Variants in TNXB observed in about 807,000 individuals in gnomAD.
The protein encoded by TNXB is tenascin-X.
TNXB carries 183 observed loss-of-function variants against 340.5 expected under a neutral mutation model. The ratio of observed to expected loss-of-function variants is 0.54; its 90% CI spans 0.48 to 0.61. The LOEUF (loss-of-function observed/expected upper bound fraction) is 0.61, where lower values mean the gene tolerates loss of function less well. TNXB is among the 20% of genes least tolerant of loss of function. The pLI, the probability that TNXB is intolerant of heterozygous loss-of-function variation, is 0.00. For missense variants in TNXB, 4,613 were observed against 5,446.4 expected (o/e 0.85, Z 4.82); for synonymous variants, 2,121 against 2,314.5 (o/e 0.92, Z 2.40).
chr6:32,096,028 C>T lies in TNXB; in HGVS notation c.1825G>A (p.Glu609Lys). The change falls in exon 3 of 44, where the codon GAA becomes AAA. Residue 609 changes from glutamate (E) to lysine (K), a missense_variant. By Grantham distance (56) the Glu-to-Lys change is moderately conservative (BLOSUM62 1). Transcript: ENST00000644971. ...VCQDGVCICW[E>K]GYVSEDCSIR... The stretch of plus-strand genomic sequence containing the variant: ...CTGCAGTCCTCACTCACGTAGCCTT[C>T]CCAACAGATGCACACACCGTCCTGG... 6.2e-7 allele frequency: 1 copy of T among 1,613,208 alleles called. No individual in the cohort carries two copies. The highest frequency in any genetic ancestry group is 1.7e-5 in the Admixed American group (1 of 60,026).
In TNXB at chr6:32,079,078, G is replaced by A; in HGVS notation, c.4330C>T (p.His1444Tyr). The A allele has an allele frequency of 6.2e-7, 1 of 1,613,528 alleles. No individual in the cohort carries two copies. The highest frequency in any genetic ancestry group is 8.5e-7 in the Non-Finnish European group (1 of 1,179,818). Reference protein sequence around the residue: ...HKYKMHLYGLHEGQRVGPVSA... With the variant: ...HKYKMHLYGLYEGQRVGPVSA... ...ACCGGGCCCACGCGCTGCCCCTCGTGGAGGCCGTACAGGTGCATCTTGTAC... is the reference window on the plus strand; with the variant it reads ...ACCGGGCCCACGCGCTGCCCCTCGTAGAGGCCGTACAGGTGCATCTTGTAC... Residue 1444 changes from histidine to tyrosine, a missense_variant, in exon 11 of 44, where the codon CAC becomes TAC. By Grantham distance (83) the His-to-Tyr change is moderately conservative. Around this residue, in one of 7 missense-constraint regions of TNXB, gnomAD observed 4,327 missense variants for 4,859.4 expected, o/e 0.89. Coordinates refer to ENST00000644971, the MANE Select transcript of TNXB (RefSeq NM_001365276.2). The surrounding 1 kb of genome is among the most constrained non-coding windows in gnomAD (Gnocchi z 7.1).
At position 32,069,803 on chromosome 6, in the gene TNXB, C is replaced by A; in HGVS notation, c.5337G>T (p.Gly1779=). The stretch of plus-strand genomic sequence containing the variant: ...TCACGGTGGTCACCTGCAGCTCCTC[C>A]CCCAGACGGGGTTTTGGGGGACGCT... ...GTKRPPKPRL[G]EELQVTTVTQ... Residue 1779 remains glycine (G), a synonymous_variant, in exon 15 of 44, where the codon GGG becomes GGT. Coordinates refer to ENST00000644971, the MANE Select transcript of TNXB (RefSeq NM_001365276.2). This position sits in a 1 kb window ranked among gnomAD's most constrained non-coding sequence, Gnocchi z 6.2. 6.2e-7 allele frequency: 1 copy of A among 1,608,656 alleles called. No individual in the cohort carries two copies. Among genetic ancestry groups the A allele is most frequent in the East Asian group, 2.2e-5 (1 of 44,788 alleles).
Position 32,095,873 on chromosome 6 carries a change from C to A in TNXB, c.1980G>T (p.Gly660=). ...ACAGGCACACTCCTTGCACACACCG[C>A]CCACGTCCCCGGCAGTCAGCCGGGC... is the stretch of plus-strand genomic sequence containing the variant. ...RMCPADCRGR[G]RCVQGVCLCH... The change falls in exon 3 of 44, where the codon GGG becomes GGT. Residue 660 remains glycine (G), a synonymous_variant. Transcript: ENST00000644971. 6.2e-7 allele frequency: 1 copy of A among 1,612,636 alleles called. No individual in the cohort carries two copies. Among genetic ancestry groups the A allele is most frequent in the Non-Finnish European group, 8.5e-7 (1 of 1,179,396 alleles).
At position 32,067,712 on chromosome 6, in the gene TNXB, C is replaced by T. The variant is rs377107322; in HGVS notation, c.6493G>A (p.Gly2165Ser). 101 of 1,613,858 alleles carry T rather than the reference C, an allele frequency of 6.3e-5. No individual in the cohort carries two copies. The highest frequency in any genetic ancestry group is 1.7e-4 in the Middle Eastern group (1 of 5,996). Residue 2165 changes from glycine (G) to serine (S), a missense_variant, in exon 18 of 44, where the codon GGC becomes AGC. Gly to Ser is a moderately conservative substitution (Grantham distance 56). This residue lies in a region of TNXB where 4,327 missense variants were observed against 4,859.4 expected (regional missense o/e 0.89). Coordinates refer to ENST00000644971, the MANE Select transcript of TNXB (RefSeq NM_001365276.2). The surrounding 1 kb of genome is among the most constrained non-coding windows in gnomAD (Gnocchi z 4.2). ...PGRKYKMHLY[G>S]LHEGRRVGPV... ...CCCACGCGCCGCCCCTCGTGGAGGC[C>T]GTACAGGTGCATCTTGTACTTGCGC...
At chr6:32,099,518 C>A (rs1162939865) in intron 1 of TNXB, among the ~76,000 whole-genome samples, 1 of 152,160 alleles carries the variant, frequency 6.6e-6, no homozygotes, top group Non-Finnish European at 1.5e-5. Context: ...AGGCATGAGT[C>A]ACCGCACGAC....
In TNXB at chr6:32,097,030, AGTC is replaced by A. The variant is rs1198167198; in HGVS notation, c.820_822del (p.Asp274del). On this transcript the variant is annotated inframe_deletion, in exon 3 of 44. Coordinates refer to ENST00000644971, the MANE Select transcript of TNXB (RefSeq NM_001365276.2). This position sits in a 1 kb window ranked among gnomAD's most constrained non-coding sequence, Gnocchi z 5.9. The stretch of plus-strand genomic sequence containing the variant: ...CCGCGAGGGCAGCTCCTCATGCCAC[AGTC>A]GTCACCAGTGTAGCCTGGGTCACAC... 9.3e-6 allele frequency: 15 copies of A among 1,613,556 alleles called. No homozygotes were observed. The highest frequency in any genetic ancestry group is 4.0e-5 in the African/African-American group (3 of 74,866).
In TNXB at chr6:32,081,304, C is replaced by A; in HGVS notation, c.4042+64G>T. On this transcript the variant is annotated intron_variant, in intron 10 of 43. Coordinates refer to ENST00000644971, the MANE Select transcript of TNXB (RefSeq NM_001365276.2). This position sits in a 1 kb window ranked among gnomAD's most constrained non-coding sequence, Gnocchi z 5.1. ...AGATGGAGGGAGGCTGGAAGGAGCCCCAGCCAAGTCCCGCTCACAGGATGG... is the reference window on the plus strand; with the variant it reads ...AGATGGAGGGAGGCTGGAAGGAGCCACAGCCAAGTCCCGCTCACAGGATGG... 2 of 1,464,530 alleles carry A rather than the reference C, an allele frequency of 1.4e-6. No homozygotes were observed. The highest frequency in any genetic ancestry group is 1.8e-6 in the Non-Finnish European group (2 of 1,092,472). The allele number at this position is 1,464,530 out of a possible 1,614,324, so 90.7% of individuals were successfully genotyped here. A position where few individuals can be genotyped will look rare whatever the true frequency, so the allele number is the denominator to read the frequency against.
At position 32,062,924 on chromosome 6, in the gene TNXB, G is replaced by A. The variant is rs567359892; in HGVS notation, c.6842-441C>T. Among the ~76,000 whole-genome samples, 4 of 151,884 alleles carry A rather than the reference G, an allele frequency of 2.6e-5. No individual in the cohort carries two copies. In the East Asian group the frequency reaches 5.8e-4, roughly 22 times the overall value. The stretch of plus-strand genomic sequence containing the variant: ...CAAAAAATTAGCCAGGCGTGTTGGC[G>A]GGCACCTGTAGTCCCAGCTACTCAG... On this transcript the variant is annotated intron_variant, in intron 19 of 43. Coordinates refer to ENST00000644971, the MANE Select transcript of TNXB (RefSeq NM_001365276.2). This position sits in a 1 kb window ranked among gnomAD's most constrained non-coding sequence, Gnocchi z 4.3.
chr6:32,048,540 C>T lies in TNXB; in HGVS notation c.9868G>A (p.Asp3290Asn). The T allele has an allele frequency of 6.3e-7, 1 of 1,589,712 alleles. No individual in the cohort carries two copies. The highest frequency in any genetic ancestry group is 8.6e-7 in the Non-Finnish European group (1 of 1,166,696). Residue 3290 changes from aspartate (D) to asparagine (N), a missense_variant, in exon 29 of 44, where the codon GAC becomes AAC. Physicochemically the swap from Asp to Asn is conservative, Grantham distance 23. Transcript: ENST00000644971. ...LSWTVAQGPF[D>N]SFLVQYRDAQ... ...TCCCTGTACTGTACCAGGAAGGAGTCAAAGGGGCCCTGGGCCACCGTCCAT... is the reference window on the plus strand; with the variant it reads ...TCCCTGTACTGTACCAGGAAGGAGTTAAAGGGGCCCTGGGCCACCGTCCAT...
Position 32,058,096 on chromosome 6 carries a change from C to G in TNXB, c.7787G>C (p.Gly2596Ala). Residue 2596 changes from glycine (G) to alanine (A), a missense_variant, in exon 22 of 44, where the codon GGG becomes GCG. This residue lies in a region of TNXB where 4,327 missense variants were observed against 4,859.4 expected (regional missense o/e 0.89). Transcript: ENST00000644971. The surrounding 1 kb of genome is among the most constrained non-coding windows in gnomAD (Gnocchi z 5.1). ...YKMHLYGLHEGRRLGPVSAVG... is the reference protein window; with the variant it reads ...YKMHLYGLHEARRLGPVSAVG... ...GGCAGACACCGGGCCCAGGCGCCGC[C>G]CCTCGTGGAGGCCGTACAGGTGCAT... 6.2e-7 allele frequency: 1 copy of G among 1,611,932 alleles called. No individual in the cohort carries two copies. Among genetic ancestry groups the G allele is most frequent in the Non-Finnish European group, 8.5e-7 (1 of 1,179,148 alleles).
intron 18 of TNXB, among the ~76,000 whole-genome samples, chr6:32,065,980 T>A (rs1180166238): frequency 2.0e-5 from 3 of 152,162 alleles, no homozygotes; most frequent in Non-Finnish European, 4.4e-5. Context: ...ATAATTTTTT[T>A]AAAAAGAGAT....
Position 32,097,835 on chromosome 6 carries a change from T to G in TNXB, c.364A>C (p.Thr122Pro), listed in dbSNP as rs1411732850. Residue 122 changes from threonine (T) to proline (P), a missense_variant, in exon 2 of 44, where the codon ACT (threonine) becomes CCT (proline). Transcript: ENST00000644971. This position sits in a 1 kb window ranked among gnomAD's most constrained non-coding sequence, Gnocchi z 5.9. ...ELVKGLKEQC[T>P]GGCCPASAQA... is the part of the protein sequence containing the mutation. ...GCAGAGGCAGGACAACATCCCCCAG[T>G]GCACTGTTCCTTGAGCCCCTTCACC... The G allele has an allele frequency of 6.6e-7, 1 of 1,522,658 alleles. No homozygotes were observed. Among genetic ancestry groups the G allele is most frequent in the Non-Finnish European group, 8.8e-7 (1 of 1,131,162 alleles). The allele number at this position is 1,522,658 out of a possible 1,614,324, so 94.3% of individuals were successfully genotyped here.
intron 1 of TNXB, among the ~76,000 whole-genome samples, chr6:32,099,323 T>A (rs570334721): frequency 1.3e-5 from 2 of 151,416 alleles, no homozygotes; most frequent in Non-Finnish European, 2.9e-5. Context: ...AACCTCTGTC[T>A]CCTAGCTCAA....
chr6:32,094,626 G>T (rs1376346680), intron 4 of TNXB, among the ~76,000 whole-genome samples: 1 of 152,186 alleles, frequency 6.6e-6, no homozygotes, highest in Admixed American at 6.5e-5. Context: ...CGAAGAAACT[G>T]GGAGGTTTTG....
chr6:32,097,478 A>G lies in TNXB; in HGVS notation c.404-29T>C. The G allele has an allele frequency of 6.4e-7, 1 of 1,569,858 alleles. No individual in the cohort carries two copies. The highest frequency in any genetic ancestry group is 8.6e-7 in the Non-Finnish European group (1 of 1,161,302). On this transcript the variant is annotated intron_variant, in intron 2 of 43. Transcript: ENST00000644971. The surrounding 1 kb of genome is among the most constrained non-coding windows in gnomAD (Gnocchi z 5.9). ...GAGTAGGAGGGGAGAGGCAAGTCTC[A>G]GTCTCTCTCCTGGGAGAGAGGCTGA... is the stretch of plus-strand genomic sequence containing the variant.
In TNXB at chr6:32,062,022, T is replaced by G. The variant is rs1042095650; in HGVS notation, c.7168+135A>C. 6 of 1,213,710 alleles carry G rather than the reference T, an allele frequency of 4.9e-6. No homozygotes were observed. In the Admixed American group the frequency reaches 7.9e-5, roughly 16 times the overall value. 75.2% of individuals were successfully genotyped at this position (1,213,710 alleles called of 1,614,324 possible). On this transcript the variant is annotated intron_variant, in intron 20 of 43. Transcript: ENST00000644971. This position sits in a 1 kb window ranked among gnomAD's most constrained non-coding sequence, Gnocchi z 4.3. ...GGGTCAACCACACAAAAAGGTACAATGGGAGCCCCAGCCCCAGCCACAAGT... is the reference window on the plus strand; with the variant it reads ...GGGTCAACCACACAAAAAGGTACAAGGGGAGCCCCAGCCCCAGCCACAAGT...
chr6:32,057,877 AC>A (rs1448219403), intron 22 of TNXB, among the ~76,000 whole-genome samples, 180 bp downstream of exon 22: 2 of 152,030 alleles, frequency 1.3e-5, no homozygotes, highest in Non-Finnish European at 2.9e-5. Context: ...TCACATGCTC[AC>A]CCGCCTTTGC....
Position 32,080,848 on chromosome 6 carries a change from A to G in TNXB, c.4042+520T>C, listed in dbSNP as rs937299026. 2.6e-5 allele frequency among the ~76,000 whole-genome samples: 4 copies of G among 152,168 alleles called. No individual in the cohort carries two copies. The highest frequency in any genetic ancestry group is 5.9e-5 in the Non-Finnish European group (4 of 68,020). ...CCCTGTTCCAAGGGGGCTGGGAGTCAAGGAGTCGGGAGCTGAGAGGAGTCC... is the reference window on the plus strand; with the variant it reads ...CCCTGTTCCAAGGGGGCTGGGAGTCGAGGAGTCGGGAGCTGAGAGGAGTCC... On this transcript the variant is annotated intron_variant, in intron 10 of 43. Coordinates refer to ENST00000644971, the MANE Select transcript of TNXB (RefSeq NM_001365276.2). This position sits in a 1 kb window ranked among gnomAD's most constrained non-coding sequence, Gnocchi z 4.3.
chr6:32,102,538 CT>C (rs1161326596), intron 1 of TNXB, among the ~76,000 whole-genome samples: 1 of 151,990 alleles, frequency 6.6e-6, no homozygotes, highest in Non-Finnish European at 1.5e-5. Context: ...AGAGAATGCT[CT>C]TATACTCTTA....
Sources: allele counts gnomAD v4.1 joint callset (sites outside exome capture counted in the v4.1 genomes callset), GRCh38; gene constraint gnomAD v4.1.1; regional missense constraint gnomAD v4.1.1; non-coding constraint Gnocchi (gnomAD v3.1); transcripts MANE v1.5; gene names NCBI Gene and HGNC (gene_info 2026-07-23, HGNC 2026-07-21).